The following RIN2 variants were observed in gnomAD, a reference collection of about 807,000 sequenced individuals.
RIN2 encodes the protein RAB5 interacting protein 2.
RIN2 carries 36 observed loss-of-function variants against 78.0 expected under a neutral mutation model. The observed-to-expected ratio is 0.46, with a 90% CI of 0.35 to 0.61. The LOEUF (loss-of-function observed/expected upper bound fraction) is 0.61, where lower values mean the gene tolerates loss of function less well. Among genes scored for constraint, RIN2 ranks in the 20% least tolerant of loss-of-function variants. RIN2 has a pLI of 0.00. For missense variants in RIN2, 1,087 were observed against 1,159.7 expected, an observed-to-expected ratio of 0.94 and a Z score of 0.91; for synonymous variants, 466 against 466.8, an observed-to-expected ratio of 1.00 and a Z score of 0.02.
In RIN2 at chr20:19,974,544, C is replaced by A. The variant is rs2042205296; in HGVS notation, c.629-110C>A. The A allele has an allele frequency of 4.6e-6, 5 of 1,098,420 alleles. No individual in the cohort carries two copies. The Admixed American group carries it at 1.2e-4, about 27-fold the overall frequency. 68.0% of individuals were successfully genotyped at this position (1,098,420 alleles called of 1,614,324 possible). Reference sequence around the variant, plus strand: ...AACCTGAGTACAACGCACCCCCTACCCCACCCCGCAAGACTCGCGTTGTCA... The same window carrying A: ...AACCTGAGTACAACGCACCCCCTACACCACCCCGCAAGACTCGCGTTGTCA... On this transcript the variant is annotated intron_variant, in intron 8 of 12. Transcript: ENST00000255006.
At chr20:19,936,038 G>A (rs2146124897) in intron 4 of RIN2, among the ~76,000 whole-genome samples, 1 of 152,350 alleles carries the variant, frequency 6.6e-6, no homozygotes, top group South Asian at 2.1e-4. Flanking sequence ...AGGCCAGCCA[G>A]ATGGTTCTGG....
chr20:19,931,345 T>C (rs2040431875), intron 3 of RIN2, among the ~76,000 whole-genome samples: 2 of 152,232 alleles, frequency 1.3e-5, no homozygotes, highest in African/African-American at 4.8e-5. Context: ...CTCACTATGT[T>C]GTCCAGGCTG....
chr20:19,887,198 A>G (rs1210456447), intron 2 of RIN2, among the ~76,000 whole-genome samples: 2 of 141,490 alleles, frequency 1.4e-5, no homozygotes, highest in South Asian at 2.2e-4. Flanking sequence ...TTTTTTTTTA[A>G]TTTTTTTTAG....
At chr20:19,791,576 T>C (rs1273475719) in intron 1 of RIN2, among the ~76,000 whole-genome samples, 2 of 152,198 alleles carry the variant, frequency 1.3e-5, no homozygotes, top group East Asian at 3.8e-4. Context: ...AGATCATCAG[T>C]TGAGGAAAGT....
chr20:19,767,958 G>A (rs371936559), intron 1 of RIN2, among the ~76,000 whole-genome samples: 1 of 150,298 alleles, frequency 6.7e-6, no homozygotes, highest in East Asian at 1.9e-4. Context: ...AGTCTCCTGC[G>A]AAACATGGAG....
chr20:19,974,793 G>A lies in RIN2; in HGVS notation c.768G>A (p.Thr256=). The A allele has an allele frequency of 6.2e-7, 1 of 1,613,990 alleles. No individual in the cohort carries two copies. Among genetic ancestry groups the A allele is most frequent in the Non-Finnish European group, 8.5e-7 (1 of 1,179,898 alleles). Reference sequence around the variant, plus strand: ...GAGTGCATTCTATCAAAACCAGGACGCCTTCAGAGCTGGAGTGCAGCCAGA... The same window carrying A: ...GAGTGCATTCTATCAAAACCAGGACACCTTCAGAGCTGGAGTGCAGCCAGA... ...INGVHSIKTR[T]PSELECSQTN... The change falls in exon 9 of 13, where the codon ACG becomes ACA. Residue 256 remains threonine, a synonymous_variant. Coordinates refer to ENST00000255006, the MANE Select transcript of RIN2 (RefSeq NM_018993.4).
chr20:19,793,729 T>C (rs1233624679), intron 1 of RIN2, among the ~76,000 whole-genome samples: 2 of 152,218 alleles, frequency 1.3e-5, no homozygotes, highest in Non-Finnish European at 1.5e-5. Context: ...TTCCAGGTTA[T>C]TAGGATTACA....
chr20:19,830,381 A>T (rs1479295809), intron 2 of RIN2, among the ~76,000 whole-genome samples: 1 of 151,998 alleles, frequency 6.6e-6, no homozygotes, highest in Non-Finnish European at 1.5e-5. Context: ...CCTCTCTTTC[A>T]TGCTTCATTC....
At chr20:19,787,762 T>C (rs1460217313) in intron 1 of RIN2, among the ~76,000 whole-genome samples, 10 of 152,210 alleles carry the variant, frequency 6.6e-5, no homozygotes, top group Admixed American at 6.5e-4. Flanking sequence ...GGATTTTGTA[T>C]TTTAAGCTCC....
intron 4 of RIN2, among the ~76,000 whole-genome samples, chr20:19,938,012 G>A (rs76058942): frequency 4.6e-5 from 7 of 152,302 alleles, no homozygotes; most frequent in East Asian, 1.9e-4. Context: ...TCCTGTCAGC[G>A]TCGTCTGCCA....
intron 3 of RIN2, among the ~76,000 whole-genome samples, chr20:19,909,900 A>G (rs777375677): frequency 1.4e-4 from 21 of 152,162 alleles, no homozygotes; most frequent in African/African-American, 7.2e-5. Context: ...TGATGCGGCC[A>G]TGCCTGGGAG....
chr20:19,906,807 T>C (rs1297990985), intron 3 of RIN2, among the ~76,000 whole-genome samples: 3 of 152,160 alleles, frequency 2.0e-5, no homozygotes, highest in Admixed American at 6.5e-5. Context: ...GACAAGCCCA[T>C]GTGAAGCAAA....
At position 19,889,588 on chromosome 20, in the gene RIN2, C is replaced by G. The variant is rs2038349510; in HGVS notation, c.-14C>G. The G allele has an allele frequency of 2.6e-6, 4 of 1,550,928 alleles. No homozygotes were observed. Among genetic ancestry groups the G allele is most frequent in the Non-Finnish European group, 3.5e-6 (4 of 1,146,546 alleles). The stretch of plus-strand genomic sequence containing the variant: ...CAGGAGTCCCCGGCGTGCAGTGGAG[C>G]CTCGCTGGGGGAAATGACAGCTTGG... On this transcript the variant is annotated 5_prime_UTR_variant, in exon 3 of 13. Transcript: ENST00000255006.
At chr20:19,864,945 A>G (rs2037455830) in intron 2 of RIN2, among the ~76,000 whole-genome samples, 1 of 152,230 alleles carries the variant, frequency 6.6e-6, no homozygotes, top group Non-Finnish European at 1.5e-5. Flanking sequence ...TCAAGCTAGG[A>G]TATGAAATCT....
intron 1 of RIN2, among the ~76,000 whole-genome samples, chr20:19,772,103 C>T (rs2034148742): frequency 6.6e-6 from 1 of 152,186 alleles, no homozygotes; most frequent in South Asian, 2.1e-4. Context: ...AAGGGCATTA[C>T]TGCAGCAATT....
intron 3 of RIN2, among the ~76,000 whole-genome samples, chr20:19,891,510 A>G (rs533362218): frequency 1.3e-5 from 2 of 152,300 alleles, no homozygotes; most frequent in African/African-American, 4.8e-5. Flanking sequence ...GTTAGATTTT[A>G]AAGTCAAGGC....
At chr20:19,867,740 A>G (rs963856290) in intron 2 of RIN2, among the ~76,000 whole-genome samples, 2 of 152,192 alleles carry the variant, frequency 1.3e-5, no homozygotes, top group Non-Finnish European at 2.9e-5. Flanking sequence ...ACCAGCTCCA[A>G]TAGTTTAGTT....
chr20:19,862,850 G>T (rs1267266682), intron 2 of RIN2, among the ~76,000 whole-genome samples: 1 of 152,164 alleles, frequency 6.6e-6, no homozygotes, highest in Non-Finnish European at 1.5e-5. Context: ...CCAAATGCAC[G>T]TTTTCTGAGT....
intron 2 of RIN2, among the ~76,000 whole-genome samples, chr20:19,850,544 A>C (rs1475847981): frequency 6.6e-6 from 1 of 152,248 alleles, no homozygotes; most frequent in Non-Finnish European, 1.5e-5. Flanking sequence ...AGGGGACAGC[A>C]GAGGAGGTTT....
Sources: gnomAD v4.1 joint callset for allele counts (sites outside exome capture counted in the v4.1 genomes callset) on GRCh38, gnomAD v4.1.1 for gene constraint, MANE v1.5 for transcripts, NCBI Gene and HGNC (gene_info 2026-07-23, HGNC 2026-07-21) for gene names.